The following MORC4 variants were observed in gnomAD, a reference collection of about 807,000 sequenced individuals.
The protein encoded by MORC4 is MORC family CW-type zinc finger 4, also known as MORC family CW-type zinc finger protein 4.
In MORC4, 22 loss-of-function variants were observed where a neutral mutation model predicts 65.5. That is an observed-to-expected ratio of 0.34 (90% CI 0.24 to 0.48). The LOEUF (loss-of-function observed/expected upper bound fraction) is 0.48, where lower values mean the gene tolerates loss of function less well. MORC4 is among the 20% of genes least tolerant of loss of function. The pLI is 0.99. For synonymous variants in MORC4, 267 were observed against 255.8 expected, an observed-to-expected ratio of 1.04 and a Z score of -0.42; for missense variants, 624 against 703.0, an observed-to-expected ratio of 0.89 and a Z score of 1.27.
intron 9 of MORC4, among the ~76,000 whole-genome samples, chrX:106,963,693 T>C (rs758615856): frequency 9.0e-6 from 1 of 111,206 alleles, no homozygotes; most frequent in African/African-American, 3.3e-5. Flanking sequence ...TATTTCTCTA[T>C]TTTCCCCCTT....
intron 14 of MORC4, among the ~76,000 whole-genome samples, chrX:106,953,922 G>A (rs1250090972): frequency 1.8e-5 from 2 of 112,017 alleles, no homozygotes; most frequent in African/African-American, 6.5e-5. Context: ...TCGGGAGTTC[G>A]AGACCAGCCT....
At chrX:106,998,387 CA>C (rs751152128) in intron 2 of MORC4, among the ~76,000 whole-genome samples, 28 of 112,039 alleles carry the variant, frequency 2.5e-4, no homozygotes, top group Non-Finnish European at 4.1e-4. Context: ...TCCAAAATTA[CA>C]AATTGGAAAC....
chrX:106,940,848 C>T lies in MORC4; in HGVS notation c.*631G>A, dbSNP rs887170849. 2.7e-5 allele frequency: 3 copies of T among 111,739 alleles called. No homozygotes were observed. Among genetic ancestry groups the T allele is most frequent in the African/African-American group, 9.8e-5 (3 of 30,661 alleles). The allele number at this position is 111,739 out of a possible 1,213,427, so 9.2% of individuals were successfully genotyped here. On this transcript the variant is annotated 3_prime_UTR_variant, in exon 17 of 17. Coordinates refer to ENST00000355610, the MANE Select transcript of MORC4 (RefSeq NM_024657.5). ...AAGAAAAATATCAACCATAGTCCTA[C>T]CACCTAAAGAACACTCACTGACAGT...
At chrX:106,959,481 T>C (rs1045752667) in intron 10 of MORC4, among the ~76,000 whole-genome samples, 1 of 111,921 alleles carries the variant, frequency 8.9e-6, no homozygotes, top group African/African-American at 3.2e-5. Context: ...TTCTTTTATG[T>C]CTTAGTTCAA....
chrX:106,969,780 G>C (rs1194447784), intron 9 of MORC4, among the ~76,000 whole-genome samples: 1 of 111,954 alleles, frequency 8.9e-6, no homozygotes, highest in Non-Finnish European at 1.9e-5. Context: ...AAAGCAGGAA[G>C]AAGCTGAATC....
chrX:106,956,608 T>C (rs969954479), intron 12 of MORC4, 74 bp from the exon 13 acceptor site: 1 of 868,372 alleles, frequency 1.2e-6, no homozygotes, highest in African/African-American at 2.0e-5. Flanking sequence ...CAATTGTAGA[T>C]TTAGGTTATA....
chrX:106,965,597 T>C (rs1391937543), intron 9 of MORC4, among the ~76,000 whole-genome samples: 2 of 112,034 alleles, frequency 1.8e-5, no homozygotes, highest in Non-Finnish European at 3.8e-5. Flanking sequence ...CTATAACAAA[T>C]ACCTAAAAAT....
rs772136688 is a variant in MORC4 at position 106,986,103 on chromosome X, C to T, written c.406G>A (p.Ala136Thr). 16 of 1,208,601 alleles carry T rather than the reference C, an allele frequency of 1.3e-5. No homozygotes were observed. The highest frequency in any genetic ancestry group is 1.2e-4 in the South Asian group (7 of 56,734). Residue 136 changes from alanine (A) to threonine (T), a missense_variant, in exon 4 of 17, where the codon GCC (alanine) becomes ACC (threonine). Transcript: ENST00000355610. ...KSGSMRLGKDALVFTKNGGTL... is the reference protein window; with the variant it reads ...KSGSMRLGKDTLVFTKNGGTL... ...CCCCCATTCTTGGTGAAGACAAGGG[C>T]GTCCTTTCCTAGCCGCATGGAGCCT... is the stretch of plus-strand genomic sequence containing the variant.
At chrX:106,983,898 T>C (rs1185870561) in intron 5 of MORC4, among the ~76,000 whole-genome samples, 1 of 111,410 alleles carries the variant, frequency 9.0e-6, no homozygotes, top group Non-Finnish European at 1.9e-5. Context: ...ACAGAACTCC[T>C]TATTTTTTAA....
chrX:106,990,495 C>T (rs1934959672), intron 3 of MORC4, among the ~76,000 whole-genome samples: 2 of 112,089 alleles, frequency 1.8e-5, no homozygotes, highest in South Asian at 7.5e-4. Flanking sequence ...TGGACTCAGG[C>T]AATCTGCCTG....
At chrX:106,976,775 C>T (rs1318998977) in intron 8 of MORC4, 91 bp from the exon 9 acceptor site, 10 of 581,858 alleles carry the variant, frequency 1.7e-5, no homozygotes, top group African/African-American at 1.1e-4. Flanking sequence ...AGAAAGGTTA[C>T]ATAACCTTCA....
chrX:106,999,469 C>A lies in MORC4; in HGVS notation c.175+208G>T, dbSNP rs1395996651. Among the ~76,000 whole-genome samples the A allele has an allele frequency of 3.6e-5, 4 of 112,132 alleles. No homozygotes were observed. The East Asian group carries it at 8.6e-4, about 24-fold the overall frequency. On this transcript the variant is annotated intron_variant, in intron 2 of 16. Coordinates refer to ENST00000355610, the MANE Select transcript of MORC4 (RefSeq NM_024657.5). ...TGGTGTCTTTAACGCTTCAGACACACCTCGTTTCCTCCGTTTTATGAGCGG... is the reference window on the plus strand; with the variant it reads ...TGGTGTCTTTAACGCTTCAGACACAACTCGTTTCCTCCGTTTTATGAGCGG...
chrX:106,954,914 T>C lies in MORC4; in HGVS notation c.1684A>G (p.Ser562Gly), dbSNP rs779948361. The C allele has an allele frequency of 5.0e-6, 6 of 1,205,454 alleles. No homozygotes were observed. In the South Asian group the frequency reaches 9.0e-5, roughly 18 times the overall value. The change falls in exon 14 of 17, where the codon AGT (serine) becomes GGT (glycine). Residue 562 changes from serine to glycine, a missense_variant and splice_region_variant. By Grantham distance (56) the Ser-to-Gly change is moderately conservative (BLOSUM62 0). Transcript: ENST00000355610. ...CAAGAGATCATGCTTTTTAGTCACCTGGAAAACTGTAAAACACTGGAATCC... is the reference window on the plus strand; with the variant it reads ...CAAGAGATCATGCTTTTTAGTCACCCGGAAAACTGTAAAACACTGGAATCC... The part of the protein sequence containing the change: ...PLDSSVLQFS[S>G]KYKWILGEEP...
chrX:106,941,787 G>A, intron 16 of MORC4, 151 bp downstream of exon 16: 2 of 800,611 alleles, frequency 2.5e-6, no homozygotes, highest in South Asian at 5.3e-5. Flanking sequence ...AGCACAGGGA[G>A]ACTGGCTGCA....
chrX:106,942,545 A>C lies in MORC4; in HGVS notation c.2346T>G (p.Val782=). Residue 782 remains valine, a synonymous_variant, in exon 15 of 17, where the codon GTT becomes GTG. Coordinates refer to ENST00000355610, the MANE Select transcript of MORC4 (RefSeq NM_024657.5). ...GCTGGAACAAATTCCTTTCAGCCAA[A>C]ACACGTTCCAATTTTTCTGTGGTTC... ...LKRTTEKLER[V]LAERNLFQQK... is the part of the protein sequence containing the mutation. 1 of 1,210,750 alleles carries C rather than the reference A, an allele frequency of 8.3e-7. No homozygotes were observed. Among genetic ancestry groups the C allele is most frequent in the East Asian group, 3.0e-5 (1 of 33,825 alleles).
At chrX:106,975,532 G>A (rs558134053) in intron 9 of MORC4, among the ~76,000 whole-genome samples, 3 of 111,191 alleles carry the variant, frequency 2.7e-5, no homozygotes, top group African/African-American at 6.5e-5. Context: ...GACAAATTAA[G>A]GTACAAGACT....
chrX:106,942,571 T>C lies in MORC4; in HGVS notation c.2320A>G (p.Arg774Gly). Reference sequence around the variant, plus strand: ...ACACGTTCCAATTTTTCTGTGGTTCTCTTCAATTCTTCCAGCTCTCTCTGG... The same window carrying C: ...ACACGTTCCAATTTTTCTGTGGTTCCCTTCAATTCTTCCAGCTCTCTCTGG... Reference protein sequence around the residue: ...KNQRELEELKRTTEKLERVLA... With the variant: ...KNQRELEELKGTTEKLERVLA... Residue 774 changes from arginine to glycine, a missense_variant, in exon 15 of 17, where the codon AGA (arginine) becomes GGA (glycine). By Grantham distance (125) the Arg-to-Gly change is moderately radical. Transcript: ENST00000355610. 8.3e-7 allele frequency: 1 copy of C among 1,210,196 alleles called. No homozygotes were observed. Among genetic ancestry groups the C allele is most frequent in the Non-Finnish European group, 1.1e-6 (1 of 895,215 alleles).
intron 8 of MORC4, among the ~76,000 whole-genome samples, chrX:106,977,686 G>A (rs1320966458): frequency 9.0e-6 from 1 of 111,137 alleles, no homozygotes; most frequent in Non-Finnish European, 1.9e-5. Context: ...CTTGTAAATG[G>A]AAAATTCAGG....
chrX:106,968,642 C>CAAAAAAAAA (rs1194053588), intron 9 of MORC4, among the ~76,000 whole-genome samples: 2 of 17,984 alleles, frequency 1.1e-4, no homozygotes, highest in African/African-American at 2.1e-4. Flanking sequence ...AAATGGAAAG[C>CAAAAAAAAA]AAAAAAAAAA....
Sources: gnomAD v4.1 joint callset for allele counts (sites outside exome capture counted in the v4.1 genomes callset) on GRCh38, gnomAD v4.1.1 for gene constraint, MANE v1.5 for transcripts, NCBI Gene and HGNC (gene_info 2026-07-23, HGNC 2026-07-21) for gene names.